MED16: variants seen among roughly 807,000 people sequenced by gnomAD.
MED16 encodes the protein mediator of RNA polymerase II transcription subunit 16.
MED16 carries 81 observed loss-of-function variants against 84.4 expected under a neutral mutation model. That is an observed-to-expected ratio of 0.96 (90% CI 0.80 to 1.15). The LOEUF (loss-of-function observed/expected upper bound fraction) is 1.15, where lower values mean the gene tolerates loss of function less well. Among genes scored for constraint, MED16 ranks in the 50% most tolerant of loss-of-function variants. The pLI is 0.00. For synonymous variants in MED16, 897 were observed against 552.2 expected, an observed-to-expected ratio of 1.62 and a Z score of -8.76; for missense variants, 1,585 against 1,245.9, an observed-to-expected ratio of 1.27 and a Z score of -4.10.
chr19:889,017 C>G (rs765518061), intron 4 of MED16, among the ~76,000 whole-genome samples: 5 of 150,378 alleles, frequency 3.3e-5, no homozygotes, highest in Non-Finnish European at 5.9e-5. Flanking sequence ...AACCCAGGTG[C>G]CCCCCCAACC....
chr19:879,980 G>A lies in MED16; in HGVS notation c.1310C>T (p.Ser437Leu), dbSNP rs955202726. 8.1e-6 allele frequency: 13 copies of A among 1,607,230 alleles called. No homozygotes were observed. Among genetic ancestry groups the A allele is most frequent in the South Asian group, 1.1e-5 (1 of 90,460 alleles). Residue 437 changes from serine to leucine, a missense_variant, in exon 8 of 16, where the codon TCG becomes TTG. Ser to Leu is a moderately radical substitution (Grantham distance 145). Coordinates refer to ENST00000325464, the MANE Select transcript of MED16 (RefSeq NM_005481.3). ...PAVHLKAMQL[S>L]WTSLALVGID... is the part of the protein sequence containing the mutation. ...CCCCACCAGGGCCAGTGACGTCCAC[G>A]ATAGCTGCATAGCCTTTAAGTGGAC...
chr19:877,718 TGCCCCACGTGCCC>T (rs2036287106), intron 8 of MED16, among the ~76,000 whole-genome samples: 5 of 37,106 alleles, frequency 1.3e-4, no homozygotes, highest in South Asian at 9.5e-4. Context: ...CACCAGCCCC[TGCCCCACGTGCCC>T]CAGCAGCTCA....
intron 6 of MED16, among the ~76,000 whole-genome samples, chr19:882,563 T>TG (rs1568329527): frequency 1.3e-5 from 2 of 151,914 alleles, no homozygotes; most frequent in South Asian, 2.1e-4. Context: ...AGAGCACGTG[T>TG]GGGGGGTCCT....
chr19:886,034 G>A lies in MED16; in HGVS notation c.615C>T (p.Ser205=), dbSNP rs757084189. The change falls in exon 5 of 16, where the codon AGC becomes AGT. Residue 205 remains serine, a synonymous_variant. Transcript: ENST00000325464. ...PSGQVLTSTE[S]LCRLRGRVAL... ...CCACGCGGCCGCGCAGCCGGCACAG[G>A]CTCTCGGTGGACGTCAGCACCTGCC... 4 of 1,597,696 alleles carry A rather than the reference G, an allele frequency of 2.5e-6. No homozygotes were observed. Among genetic ancestry groups the A allele is most frequent in the African/African-American group, 1.3e-5 (1 of 74,686 alleles).
intron 9 of MED16, among the ~76,000 whole-genome samples, chr19:876,315 A>C (rs1461602756): frequency 6.6e-6 from 1 of 152,082 alleles, no homozygotes; most frequent in Non-Finnish European, 1.5e-5. Flanking sequence ...CCCTTCTGGC[A>C]CGTGGGCCTC....
intron 10 of MED16, among the ~76,000 whole-genome samples, 164 bp from the exon 11 acceptor site, chr19:873,746 G>C (rs2036159144): frequency 6.6e-6 from 1 of 152,016 alleles, no homozygotes; most frequent in Admixed American, 6.5e-5. Context: ...GCCGGACGGA[G>C]AGGAACTGGG....
intron 6 of MED16, among the ~76,000 whole-genome samples, chr19:883,927 G>A (rs962180982): frequency 5.3e-5 from 8 of 152,148 alleles, no homozygotes; most frequent in South Asian, 2.1e-4. Flanking sequence ...CTCTTCACCT[G>A]CCTGGTGACT....
At chr19:872,669 G>C (rs1056961177) in intron 11 of MED16, among the ~76,000 whole-genome samples, 2 of 151,750 alleles carry the variant, frequency 1.3e-5, no homozygotes, top group South Asian at 4.2e-4. Context: ...GTGGGGGCGA[G>C]GTTGGAGCCC....
intron 8 of MED16, 139 bp from the exon 9 acceptor site, chr19:877,319 T>C (rs2036273323): frequency 6.5e-6 from 5 of 768,358 alleles, no homozygotes; most frequent in Admixed American, 5.0e-5. Flanking sequence ...TGTGCGCGCA[T>C]GTGTCTGTAG....
chr19:872,831 G>T, intron 11 of MED16: 1 of 429,294 alleles, frequency 2.3e-6, no homozygotes, highest in Non-Finnish European at 3.2e-6. Flanking sequence ...TCGTGTAGGG[G>T]TGGGGCTGAG....
At chr19:884,501 G>A (rs2036485367) in intron 6 of MED16, among the ~76,000 whole-genome samples, 1 of 152,134 alleles carries the variant, frequency 6.6e-6, no homozygotes, top group African/African-American at 2.4e-5. Flanking sequence ...AGGTTCCGGA[G>A]GATTCCGTGC....
chr19:875,187 AAAT>A, intron 10 of MED16, 54 bp downstream of exon 10: 1 of 1,195,800 alleles, frequency 8.4e-7, no homozygotes, highest in Non-Finnish European at 1.1e-6. Context: ...AAATAAATAA[AAAT>A]AAAATAAATA....
intron 2 of MED16, among the ~76,000 whole-genome samples, chr19:890,759 C>G (rs2036616253): frequency 6.6e-6 from 1 of 152,210 alleles, no homozygotes; most frequent in South Asian, 2.1e-4. Context: ...TCTCATGTCT[C>G]CTGGCACCAG....
At chr19:878,682 C>G (rs1257378423) in intron 8 of MED16, among the ~76,000 whole-genome samples, 2 of 90,184 alleles carry the variant, frequency 2.2e-5, no homozygotes, top group Non-Finnish European at 4.6e-5. Context: ...TGCCCAACAG[C>G]CCCAACCCCA....
Position 870,584 on chromosome 19 carries a change from G to A in MED16, c.2315+453C>T, listed in dbSNP as rs1163705837. On this transcript the variant is annotated intron_variant, in intron 13 of 15. Transcript: ENST00000325464. ...GGGGAGACAAAAAAAAAAAAAAAAA[G>A]GGAGAGGGTGAATGGAAGGGCTGGG... Among the ~76,000 whole-genome samples the A allele has an allele frequency of 1.1e-4, 15 of 142,458 alleles. No homozygotes were observed. In the East Asian group the frequency reaches 2.2e-3, roughly 20 times the overall value. The allele number at this position is 142,458 out of a possible 152,430, so 93.5% of individuals were successfully genotyped here. A position where few individuals can be genotyped will look rare whatever the true frequency, so the allele number is the denominator to read the frequency against.
At chr19:890,433 G>A (rs778653723) in intron 2 of MED16, 189 bp from the exon 3 acceptor site, 13 of 485,006 alleles carry the variant, frequency 2.7e-5, no homozygotes, top group African/African-American at 7.9e-5. Flanking sequence ...CCTGTGAGGC[G>A]CCACAACTGT....
chr19:871,626 A>G (rs769048076), intron 12 of MED16: 1 of 1,595,404 alleles, frequency 6.3e-7, no homozygotes, highest in East Asian at 2.2e-5. Flanking sequence ...CTGCCATCCC[A>G]AAAGCACCCA....
chr19:883,258 TGCGTGA>T (rs2036456592), intron 6 of MED16, among the ~76,000 whole-genome samples: 3 of 150,050 alleles, frequency 2.0e-5, no homozygotes, highest in African/African-American at 7.5e-5. Flanking sequence ...CGTGGGGCGG[TGCGTGA>T]AGAGCTGGGC....
intron 5 of MED16, 76 bp downstream of exon 5, chr19:885,694 C>A: frequency 1.3e-6 from 2 of 1,536,290 alleles, no homozygotes; most frequent in Non-Finnish European, 1.8e-6. Context: ...CCGCGCGGGT[C>A]TCCACCCCCA....
Sources: gnomAD v4.1 joint callset for allele counts (sites outside exome capture counted in the v4.1 genomes callset) on GRCh38, gnomAD v4.1.1 for gene constraint, MANE v1.5 for transcripts, NCBI Gene and HGNC (gene_info 2026-07-23, HGNC 2026-07-21) for gene names.